KCTD8: variants seen among roughly 807,000 people sequenced by gnomAD.
KCTD8 encodes BTB/POZ domain-containing protein KCTD8.
In KCTD8, 27 loss-of-function variants were observed where a neutral mutation model predicts 31.5. The ratio of observed to expected loss-of-function variants is 0.86; its 90% CI spans 0.63 to 1.18. The LOEUF (loss-of-function observed/expected upper bound fraction) is 1.18. KCTD8 is among the 50% of genes most tolerant of loss of function. The pLI is 0.00. For synonymous variants in KCTD8, 290 were observed against 280.0 expected (o/e 1.04, Z -0.36); for missense variants, 658 against 647.7 (o/e 1.02, Z -0.17).
chr4:44,264,372 T>C (rs1560409630), intron 1 of KCTD8, among the ~76,000 whole-genome samples: 1 of 152,192 alleles, frequency 6.6e-6, no homozygotes, highest in Non-Finnish European at 1.5e-5. Flanking sequence ...GAGTTGGAAT[T>C]GTATTTTCTT....
At chr4:44,242,820 T>C (rs1041007573) in intron 1 of KCTD8, among the ~76,000 whole-genome samples, 2 of 152,016 alleles carry the variant, frequency 1.3e-5, no homozygotes, top group Non-Finnish European at 2.9e-5. Context: ...GGGTGGCATC[T>C]TCCCCCTCTT....
chr4:44,360,381 G>A (rs1719464467), intron 1 of KCTD8, among the ~76,000 whole-genome samples: 1 of 151,908 alleles, frequency 6.6e-6, no homozygotes, highest in South Asian at 2.1e-4. Context: ...GTGCCATCCA[G>A]GGTAAATAAT....
intron 1 of KCTD8, among the ~76,000 whole-genome samples, chr4:44,251,913 C>T (rs985864610): frequency 1.3e-5 from 2 of 151,406 alleles, no homozygotes; most frequent in East Asian, 3.9e-4. Flanking sequence ...TTTTTACTTA[C>T]ATGAATAAGT....
At chr4:44,320,930 G>T (rs1021758791) in intron 1 of KCTD8, among the ~76,000 whole-genome samples, 1 of 151,816 alleles carries the variant, frequency 6.6e-6, no homozygotes, top group Admixed American at 6.6e-5. Context: ...AGGATAACAA[G>T]ATTTAAGTGA....
At chr4:44,248,037 G>T (rs1715719370) in intron 1 of KCTD8, among the ~76,000 whole-genome samples, 1 of 151,804 alleles carries the variant, frequency 6.6e-6, no homozygotes, top group Non-Finnish European at 1.5e-5. Flanking sequence ...TTTACTGTTT[G>T]TTTTCCTGCC....
At chr4:44,204,785 TA>T (rs1280360504) in intron 1 of KCTD8, among the ~76,000 whole-genome samples, 2 of 152,092 alleles carry the variant, frequency 1.3e-5, no homozygotes, top group Non-Finnish European at 2.9e-5. Flanking sequence ...ATAAGATTTT[TA>T]AAATTAAAGA....
At chr4:44,382,730 C>CAA (rs34629884) in intron 1 of KCTD8, among the ~76,000 whole-genome samples, 10,984 of 138,348 alleles carry the variant, frequency 0.079, 608 homozygotes, top group East Asian at 0.2. Flanking sequence ...AACTCCATTT[C>CAA]AAAAAAAAAA....
intron 1 of KCTD8, among the ~76,000 whole-genome samples, chr4:44,292,038 T>C (rs1560417188): frequency 1.4e-5 from 2 of 148,130 alleles, no homozygotes; most frequent in Admixed American, 6.8e-5. Flanking sequence ...GGTGGGAATA[T>C]AAGTTATTCA....
intron 1 of KCTD8, among the ~76,000 whole-genome samples, chr4:44,326,019 T>C (rs1269069818): frequency 6.6e-6 from 1 of 151,990 alleles, no homozygotes; most frequent in Non-Finnish European, 1.5e-5. Context: ...AAGGAAGTCA[T>C]TGTGCAAATG....
chr4:44,293,844 A>C (rs748667068), intron 1 of KCTD8: 15 of 451,328 alleles, frequency 3.3e-5, no homozygotes, highest in South Asian at 2.4e-4. Context: ...GTGGAAAGCC[A>C]ATCAAAAAAA....
chr4:44,388,261 G>A (rs1365537914), intron 1 of KCTD8, among the ~76,000 whole-genome samples: 1 of 151,858 alleles, frequency 6.6e-6, no homozygotes, highest in East Asian at 1.9e-4. Context: ...GGTGATTGGA[G>A]TGTAAATTAG....
chr4:44,434,668 T>C (rs1344806270), intron 1 of KCTD8, among the ~76,000 whole-genome samples: 2 of 151,908 alleles, frequency 1.3e-5, no homozygotes, highest in African/African-American at 4.8e-5. Context: ...GAAAGCACTG[T>C]CTCTAACTGA....
At chr4:44,194,046 G>C (rs1713854524) in intron 1 of KCTD8, among the ~76,000 whole-genome samples, 1 of 152,102 alleles carries the variant, frequency 6.6e-6, no homozygotes, top group Admixed American at 6.6e-5. Context: ...GACTATCTTA[G>C]AACCCATGAC....
chr4:44,401,840 T>C (rs754310732), intron 1 of KCTD8, among the ~76,000 whole-genome samples: 53 of 152,268 alleles, frequency 3.5e-4, no homozygotes, highest in South Asian at 1.9e-3. Context: ...CAAAATACAA[T>C]TCCTTCAGAA....
Position 44,448,659 on chromosome 4 carries a change from C to T in KCTD8, c.-136G>A, listed in dbSNP as rs1403550134. The T allele has an allele frequency of 3.0e-6, 3 of 986,172 alleles. No individual in the cohort carries two copies. In the African/African-American group the frequency reaches 5.1e-5, roughly 17 times the overall value. The allele number at this position is 986,172 out of a possible 1,614,324, so 61.1% of individuals were successfully genotyped here. A position where few individuals can be genotyped will look rare whatever the true frequency, so the allele number is the denominator to read the frequency against. On this transcript the variant is annotated 5_prime_UTR_variant, in exon 1 of 2. Coordinates refer to ENST00000360029, the MANE Select transcript of KCTD8 (RefSeq NM_198353.3). This position sits in a 1 kb window ranked among gnomAD's most constrained non-coding sequence, Gnocchi z 4.1. ...GGCGCGTTCCTCCGACCGGGGCGGC[C>T]CCGCTCAGGGTTCGGGGCAGCGGCG...
At chr4:44,383,825 G>C (rs1306355389) in intron 1 of KCTD8, among the ~76,000 whole-genome samples, 1 of 151,856 alleles carries the variant, frequency 6.6e-6, no homozygotes, top group East Asian at 1.9e-4. Context: ...AATAGACAAA[G>C]TTATATCAAA....
rs1718621591 is a variant in KCTD8 at position 44,332,732 on chromosome 4, GA to G, written c.961+114830del. The stretch of plus-strand genomic sequence containing the variant: ...TTAAAAAAGAAAACTCCATAGTTAG[GA>G]AAAGACAAATCCATCATACAAATTC... On this transcript the variant is annotated intron_variant, in intron 1 of 1. Coordinates refer to ENST00000360029, the MANE Select transcript of KCTD8 (RefSeq NM_198353.3). Among the ~76,000 whole-genome samples, 3 of 151,950 alleles carry G rather than the reference GA, an allele frequency of 2.0e-5. No homozygotes were observed. The South Asian group carries it at 6.2e-4, about 32-fold the overall frequency.
At chr4:44,202,344 A>G (rs188140271) in intron 1 of KCTD8, among the ~76,000 whole-genome samples, 4 of 152,318 alleles carry the variant, frequency 2.6e-5, no homozygotes, top group Admixed American at 2.6e-4. Context: ...TCATTGCAGC[A>G]CTATTCACAA....
chr4:44,329,698 T>C (rs1468526384), intron 1 of KCTD8, among the ~76,000 whole-genome samples: 3 of 151,860 alleles, frequency 2.0e-5, no homozygotes, highest in African/African-American at 4.8e-5. Flanking sequence ...CATATATAAG[T>C]AAAACAAATT....
Sources: gnomAD v4.1 joint callset for allele counts (sites outside exome capture counted in the v4.1 genomes callset) on GRCh38, gnomAD v4.1.1 for gene constraint, Gnocchi (gnomAD v3.1) non-coding constraint, MANE v1.5 for transcripts, NCBI Gene and HGNC (gene_info 2026-07-23, HGNC 2026-07-21) for gene names.